The following CLN8 variants were observed in gnomAD, a reference collection of about 807,000 sequenced individuals.
The protein encoded by CLN8 is protein CLN8.
Under a neutral mutation model 15.7 loss-of-function variants are expected in CLN8, and 14 were observed. The observed-to-expected ratio is 0.89, with a 90% CI of 0.59 to 1.39. CLN8 has a LOEUF of 1.39. CLN8 is among the 40% of genes most tolerant of loss of function. CLN8 has a pLI of 0.00. For synonymous variants in CLN8, 188 were observed against 151.0 expected (o/e 1.25, Z -1.80); for missense variants, 415 against 364.0 (o/e 1.14, Z -1.14).
intron 1 of CLN8, 109 bp downstream of exon 1, chr8:1,763,994 C>T (rs1173544652): frequency 5.6e-5 from 1 of 17,994 alleles, no homozygotes; most frequent in Non-Finnish European, 1.6e-4. Flanking sequence ...TGAGGGGCAG[C>T]CCAGGTGAGC....
chr8:1,782,372 T>C lies in CLN8; in HGVS notation c.*1805T>C, dbSNP rs1801730875. 6.6e-6 allele frequency: 1 copy of C among 152,232 alleles called. No individual in the cohort carries two copies. The highest frequency in any genetic ancestry group is 2.4e-5 in the African/African-American group (1 of 41,452). 9.4% of individuals were successfully genotyped at this position (152,232 alleles called of 1,614,324 possible). A position where few individuals can be genotyped will look rare whatever the true frequency, so the allele number is the denominator to read the frequency against. On this transcript the variant is annotated 3_prime_UTR_variant, in exon 3 of 3. Coordinates refer to ENST00000331222, the MANE Select transcript of CLN8 (RefSeq NM_018941.4). ...GTTGGCCAGGCTGGTCTCTGACTCC[T>C]GACTAAAAGTGATCTGCCCACCTCG...
chr8:1,770,024 T>G lies in CLN8; in HGVS notation c.-123-908T>G, dbSNP rs1178343389. Among the ~76,000 whole-genome samples, 3 of 152,296 alleles carry G rather than the reference T, an allele frequency of 2.0e-5. No individual in the cohort carries two copies. In the East Asian group the frequency reaches 5.8e-4, roughly 29 times the overall value. On this transcript the variant is annotated intron_variant, in intron 1 of 2. Transcript: ENST00000331222. ...GCAGGATGAAACATATTTAAGTCAT[T>G]ACACTGGGATACACTTTGTTACAGC...
chr8:1,760,785 A>G (rs139050821), upstream of CLN8, among the ~76,000 whole-genome samples: 594 of 152,290 alleles, frequency 3.9e-3, 4 homozygotes, highest in South Asian at 0.013. Flanking sequence ...GCAGTCGCAG[A>G]GTGCAGTGAG....
chr8:1,754,547 C>T (rs1446070647), upstream of CLN8, among the ~76,000 whole-genome samples: 6 of 152,192 alleles, frequency 3.9e-5, no homozygotes, highest in African/African-American at 7.2e-5. Context: ...CAGGAAATAA[C>T]GGATATTTTC....
intron 1 of CLN8, among the ~76,000 whole-genome samples, chr8:1,769,549 C>G (rs1460731655): frequency 2.6e-5 from 4 of 152,286 alleles, no homozygotes; most frequent in Middle Eastern, 3.4e-3. Flanking sequence ...ATTACCTGGA[C>G]AAGTCCCTGC....
intron 1 of CLN8, among the ~76,000 whole-genome samples, chr8:1,766,009 C>T (rs1356504185): frequency 6.6e-6 from 1 of 152,168 alleles, no homozygotes; most frequent in Non-Finnish European, 1.5e-5. Context: ...AGTTTAGCCC[C>T]CATAAACCGG....
rs1800919929 is a variant in CLN8 at position 1,763,832 on chromosome 8, C to T, written c.-177C>T. 6.6e-6 allele frequency: 1 copy of T among 151,590 alleles called. No individual in the cohort carries two copies. Among genetic ancestry groups the T allele is most frequent in the African/African-American group, 2.4e-5 (1 of 41,174 alleles). The allele number at this position is 151,590 out of a possible 1,614,324, so 9.4% of individuals were successfully genotyped here. A position where few individuals can be genotyped will look rare whatever the true frequency, so the allele number is the denominator to read the frequency against. ...ATGAGGTCAGTGACTGCCGGGAGTC[C>T]TGCAGGGGCGGGGCGGCGCCAAGCG... On this transcript the variant is annotated 5_prime_UTR_variant, in exon 1 of 3. Transcript: ENST00000331222.
At position 1,776,957 on chromosome 8, in the gene CLN8, C is replaced by T. The variant is rs116151705; in HGVS notation, c.544-3293C>T. ...GACACGGTGAGAGACGTTACCCGGA[C>T]GCAAAAGAGTACACAGCGTGTGATA... On this transcript the variant is annotated intron_variant, in intron 2 of 2. Transcript: ENST00000331222. Among the ~76,000 whole-genome samples the T allele has an allele frequency of 5.2e-3, 799 of 152,286 alleles. 8 individuals carry two copies. The highest frequency in any genetic ancestry group is 0.019 in the African/African-American group (770 of 41,542).
upstream of CLN8, among the ~76,000 whole-genome samples, chr8:1,753,568 T>TAA (rs1184933996): frequency 1.1e-3 from 31 of 27,196 alleles, no homozygotes; most frequent in African/African-American, 2.6e-3. Flanking sequence ...TGAAACTGTT[T>TAA]CAAAAAAAAA....
In CLN8 at chr8:1,780,543, G is replaced by T. The variant is rs774442159; in HGVS notation, c.837G>T (p.Gln279His). Reference protein sequence around the residue: ...EAKSRPEGNGQLLRKKRP With the variant: ...EAKSRPEGNGHLLRKKRP ...AGAGCAGGCCAGAAGGCAACGGGCA[G>T]CTGCTGCGGAAGAAGAGGCCATAGC... The change falls in exon 3 of 3, where the codon CAG (glutamine) becomes CAT (histidine). Residue 279 changes from glutamine to histidine, a missense_variant. Coordinates refer to ENST00000331222, the MANE Select transcript of CLN8 (RefSeq NM_018941.4). 6 of 1,613,998 alleles carry T rather than the reference G, an allele frequency of 3.7e-6. No individual in the cohort carries two copies. In the African/African-American group the frequency reaches 8.0e-5, roughly 22 times the overall value.
rs182648508 is a variant in CLN8 at position 1,769,391 on chromosome 8, C to G, written c.-123-1541C>G. Reference sequence around the variant, plus strand: ...AATGGCTCCTCCTATGCTTCTGGCTCTAGTCCTGCTGTCTCACAATTGAGT... The same window carrying G: ...AATGGCTCCTCCTATGCTTCTGGCTGTAGTCCTGCTGTCTCACAATTGAGT... On this transcript the variant is annotated intron_variant, in intron 1 of 2. Coordinates refer to ENST00000331222, the MANE Select transcript of CLN8 (RefSeq NM_018941.4). Among the ~76,000 whole-genome samples the G allele has an allele frequency of 5.3e-4, 80 of 152,326 alleles. 1 individual carries two copies. In the Middle Eastern group the frequency reaches 0.01, roughly 19 times the overall value.
upstream of CLN8, chr8:1,763,335 G>T (rs1287933289): frequency 3.3e-5 from 1 of 30,260 alleles, no homozygotes; most frequent in African/African-American, 1.4e-4. Context: ...GCCCGGCCCC[G>T]CCCCTCCCGC....
chr8:1,766,088 TGCA>T (rs1801043174), intron 1 of CLN8, among the ~76,000 whole-genome samples: 2 of 152,334 alleles, frequency 1.3e-5, no homozygotes, highest in Admixed American at 1.3e-4. Context: ...CTGGTCACAC[TGCA>T]GCAACAGAGC....
intron 2 of CLN8, chr8:1,779,888 A>C (rs1029974855): frequency 3.1e-6 from 3 of 956,046 alleles, no homozygotes; most frequent in Non-Finnish European, 3.7e-6. Flanking sequence ...GGTTTTGCCA[A>C]ATAAGTATTG....
intron 2 of CLN8, among the ~76,000 whole-genome samples, chr8:1,776,779 C>T (rs1312715490): frequency 1.3e-5 from 2 of 152,218 alleles, no homozygotes; most frequent in African/African-American, 4.8e-5. Context: ...CCCACATGTT[C>T]ACTCGAACAG....
At chr8:1,769,520 C>G (rs1015671864) in intron 1 of CLN8, among the ~76,000 whole-genome samples, 2 of 152,154 alleles carry the variant, frequency 1.3e-5, no homozygotes, top group African/African-American at 4.8e-5. Flanking sequence ...CAAGAGTCCC[C>G]ACTCCCTGCA....
chr8:1,772,420 G>A (rs1801349856), intron 2 of CLN8, among the ~76,000 whole-genome samples: 1 of 152,090 alleles, frequency 6.6e-6, no homozygotes, highest in African/African-American at 2.4e-5. Context: ...TCACTTGATT[G>A]TCATATTGAT....
chr8:1,761,807 A>T (rs758219960), upstream of CLN8, among the ~76,000 whole-genome samples: 7 of 152,250 alleles, frequency 4.6e-5, no homozygotes, highest in Non-Finnish European at 7.3e-5. Flanking sequence ...GTCCCAGCTA[A>T]TTCAGCAAGT....
At chr8:1,765,662 TAGTGA>T (rs1801022087) in intron 1 of CLN8, among the ~76,000 whole-genome samples, 1 of 152,218 alleles carries the variant, frequency 6.6e-6, no homozygotes, top group Non-Finnish European at 1.5e-5. Context: ...AGGATTTTCT[TAGTGA>T]GTGGGTAACA....
Sources: allele counts gnomAD v4.1 joint callset (sites outside exome capture counted in the v4.1 genomes callset), GRCh38; gene constraint gnomAD v4.1.1; transcripts MANE v1.5; gene names NCBI Gene and HGNC (gene_info 2026-07-23, HGNC 2026-07-21).